The following SYTL4 variants were observed in gnomAD, a reference collection of about 807,000 sequenced individuals.
SYTL4 encodes synaptotagmin-like protein 4.
A neutral mutation model predicts 52.7 loss-of-function variants in SYTL4; 16 were observed. The observed-to-expected ratio is 0.30, with a 90% CI of 0.21 to 0.46. SYTL4 has a LOEUF of 0.46. Among genes scored for constraint, SYTL4 ranks in the 20% least tolerant of loss-of-function variants. The pLI is 1.00. For synonymous variants in SYTL4, 160 were observed against 186.6 expected (o/e 0.86, Z 1.16); for missense variants, 423 against 519.9 (o/e 0.81, Z 1.81).
chrX:100,686,272 G>T, intron 15 of SYTL4, 121 bp from the exon 16 acceptor site: 2 of 703,765 alleles, frequency 2.8e-6, no homozygotes, highest in Non-Finnish European at 4.0e-6. Context: ...ATTACTTTAT[G>T]TTCCCTGAGC....
intron 15 of SYTL4, 37 bp downstream of exon 15, chrX:100,686,642 G>A: frequency 1.8e-6 from 2 of 1,083,098 alleles, no homozygotes. Flanking sequence ...GCACAAGACA[G>A]AACAAGTTCT....
At position 100,689,862 on chromosome X, in the gene SYTL4, C is replaced by T; in HGVS notation, c.906G>A (p.Val302=). The T allele has an allele frequency of 8.4e-7, 1 of 1,193,198 alleles. No individual in the cohort carries two copies. Among genetic ancestry groups the T allele is most frequent in the Non-Finnish European group, 1.1e-6 (1 of 880,591 alleles). The change falls in exon 12 of 20, where the codon GTG becomes GTA. Residue 302 remains valine, a synonymous_variant. Coordinates refer to ENST00000372989, the MANE Select transcript of SYTL4 (RefSeq NM_001370165.1). Reference sequence around the variant, plus strand: ...AAAATATAAGGGCACCTACCATATCCACATTGAGGCCTGGGACGGATTTGC... The same window carrying T: ...AAAATATAAGGGCACCTACCATATCTACATTGAGGCCTGGGACGGATTTGC... ...DRSKSVPGLN[V]DMEEEEEEED...
chrX:100,699,886 A>G (rs1311354813), intron 8 of SYTL4, among the ~76,000 whole-genome samples: 1 of 110,987 alleles, frequency 9.0e-6, no homozygotes, highest in Non-Finnish European at 1.9e-5. Flanking sequence ...ATCATGGGGT[A>G]TTATTTGGCT....
At chrX:100,724,023 T>C (rs1402735733) in intron 2 of SYTL4, among the ~76,000 whole-genome samples, 111 of 68,278 alleles carry the variant, frequency 1.6e-3, no homozygotes, top group African/African-American at 7.3e-3. Flanking sequence ...GTGGGGGGGG[T>C]CAGCCCCCCG....
intron 8 of SYTL4, among the ~76,000 whole-genome samples, chrX:100,696,535 A>C (rs2147744149): frequency 8.9e-6 from 1 of 111,738 alleles, no homozygotes; most frequent in Admixed American, 9.5e-5. Context: ...TGACATCTCT[A>C]TATTGTCTTT....
chrX:100,691,251 TCTCCTGC>T (rs1386832929), intron 8 of SYTL4, 42 bp from the exon 9 acceptor site: 1 of 1,001,690 alleles, frequency 1.0e-6, no homozygotes, highest in Non-Finnish European at 1.4e-6. Flanking sequence ...GGAAGCAGGT[TCTCCTGC>T]CTCTAGTCAG....
intron 8 of SYTL4, among the ~76,000 whole-genome samples, chrX:100,692,302 TA>T (rs2083614224): frequency 8.9e-6 from 1 of 112,471 alleles, no homozygotes; most frequent in Non-Finnish European, 1.9e-5. Flanking sequence ...TTAAACAAAT[TA>T]TTTAATGTCT....
At chrX:100,731,232 G>A (rs2084637176) in intron 2 of SYTL4, among the ~76,000 whole-genome samples, 186 bp downstream of exon 2, 1 of 111,553 alleles carries the variant, frequency 9.0e-6, no homozygotes, top group Admixed American at 9.5e-5. Flanking sequence ...AACCAACACA[G>A]GAGACAGAAG....
chrX:100,712,029 A>C (rs2084082615), intron 2 of SYTL4, among the ~76,000 whole-genome samples: 1 of 111,544 alleles, frequency 9.0e-6, no homozygotes, highest in Non-Finnish European at 1.9e-5. Flanking sequence ...CCTAGATAGA[A>C]TTCTACACCC....
At position 100,732,037 on chromosome X, in the gene SYTL4, G is replaced by A. The variant is rs1170718350; in HGVS notation, c.-361C>T. 2 of 112,193 alleles carry A rather than the reference G, an allele frequency of 1.8e-5. No individual in the cohort carries two copies. Among genetic ancestry groups the A allele is most frequent in the Non-Finnish European group, 3.8e-5 (2 of 53,136 alleles). 9.2% of individuals were successfully genotyped at this position (112,193 alleles called of 1,213,427 possible). A position where few individuals can be genotyped will look rare whatever the true frequency, so the allele number is the denominator to read the frequency against. On this transcript the variant is annotated 5_prime_UTR_variant, in exon 1 of 20. Coordinates refer to ENST00000372989, the MANE Select transcript of SYTL4 (RefSeq NM_001370165.1). Reference sequence around the variant, plus strand: ...TGCAACAGGTGCCTCCAGAGATCGAGAAGTCCCAGTGCCGGTTTCAAGGGA... The same window carrying A: ...TGCAACAGGTGCCTCCAGAGATCGAAAAGTCCCAGTGCCGGTTTCAAGGGA...
At chrX:100,707,471 A>T (rs1404256530) in intron 2 of SYTL4, among the ~76,000 whole-genome samples, 1 of 111,891 alleles carries the variant, frequency 8.9e-6, no homozygotes, top group African/African-American at 3.2e-5. Flanking sequence ...ACTATGGCAT[A>T]GAATGTTCTC....
At chrX:100,701,047 A>G (rs748538455) in intron 7 of SYTL4, 48 bp from the exon 8 acceptor site, 1 of 1,041,289 alleles carries the variant, frequency 9.6e-7, no homozygotes, top group African/African-American at 1.8e-5. Context: ...TGAGTAGGGG[A>G]AAAAGGAAAC....
intron 8 of SYTL4, among the ~76,000 whole-genome samples, chrX:100,699,363 G>A (rs1156874204): frequency 8.3e-5 from 8 of 96,024 alleles, no homozygotes; most frequent in African/African-American, 1.6e-4. Flanking sequence ...GCGAAACTCC[G>A]TCTCAAAAGA....
At chrX:100,698,223 C>T (rs1026543616) in intron 8 of SYTL4, among the ~76,000 whole-genome samples, 43 of 110,428 alleles carry the variant, frequency 3.9e-4, no homozygotes, top group African/African-American at 1.4e-3. Flanking sequence ...CTGCCTCAGT[C>T]TCCCCAGCAG....
intron 2 of SYTL4, among the ~76,000 whole-genome samples, chrX:100,730,464 G>A (rs753730463): frequency 1.1e-4 from 12 of 111,088 alleles, no homozygotes; most frequent in African/African-American, 3.9e-4. Context: ...AGATTTTGAG[G>A]GCAAGGCACT....
In SYTL4 at chrX:100,699,655, A is replaced by ATTT. The variant is rs917491538; in HGVS notation, c.539+1239_539+1241dup. ...AGGTGCGTGCCACCACACCTGGCTA[A>ATTT]TTTTTTTTTTTTTTTTTTTTGGTAG... On this transcript the variant is annotated intron_variant, in intron 8 of 19. Transcript: ENST00000372989. Among the ~76,000 whole-genome samples, 206 of 71,704 alleles carry ATTT rather than the reference A, an allele frequency of 2.9e-3. 1 individual carries two copies. Among genetic ancestry groups the ATTT allele is most frequent in the African/African-American group, 0.011 (202 of 18,450 alleles). 62.3% of individuals were successfully genotyped at this position (71,704 alleles called of 115,157 possible).
intron 2 of SYTL4, among the ~76,000 whole-genome samples, chrX:100,720,932 T>C (rs2084328177): frequency 9.0e-6 from 1 of 111,404 alleles, no homozygotes; most frequent in South Asian, 3.7e-4. Flanking sequence ...TGGAGAATAA[T>C]ATAAAAATAA....
At position 100,681,336 on chromosome X, in the gene SYTL4, C is replaced by G. The variant is rs754950421; in HGVS notation, c.1450-1G>C. The G allele has an allele frequency of 1.7e-6, 2 of 1,197,756 alleles. No individual in the cohort carries two copies. Among genetic ancestry groups the G allele is most frequent in the Non-Finnish European group, 2.3e-6 (2 of 884,163 alleles). ...AGCCAGTCGGGGACTCAGCACTGAT[C>G]TGAAACACAGGGAAACCCAACAGGT... On this transcript the variant is annotated splice_acceptor_variant, in intron 16 of 19. Coordinates refer to ENST00000372989, the MANE Select transcript of SYTL4 (RefSeq NM_001370165.1). LOFTEE classifies it high-confidence loss of function.
chrX:100,718,885 G>A (rs945722679), intron 2 of SYTL4, among the ~76,000 whole-genome samples: 17 of 105,203 alleles, frequency 1.6e-4, no homozygotes, highest in African/African-American at 5.6e-4. Context: ...CTCAACCTCC[G>A]CCTCCTGGGT....
Sources: gnomAD v4.1 joint callset for allele counts (sites outside exome capture counted in the v4.1 genomes callset) on GRCh38, gnomAD v4.1.1 for gene constraint, MANE v1.5 for transcripts, NCBI Gene and HGNC (gene_info 2026-07-23, HGNC 2026-07-21) for gene names.